The following EPHA6 variants were observed in gnomAD, a reference collection of about 807,000 sequenced individuals.
EPHA6 encodes the protein EPH receptor A6.
A neutral mutation model predicts 112.0 loss-of-function variants in EPHA6; 50 were observed. The observed-to-expected ratio is 0.45, with a 90% CI of 0.36 to 0.56. The LOEUF is 0.56. Among genes scored for constraint, EPHA6 ranks in the 20% least tolerant of loss-of-function variants. The pLI is 0.00. For missense variants in EPHA6, 1,280 were observed against 1,417.4 expected (o/e 0.90, Z 1.56); for synonymous variants, 529 against 490.7 (o/e 1.08, Z -1.03).
chr3:97,120,696 G>A (rs1056420589), intron 3 of EPHA6, among the ~76,000 whole-genome samples: 1 of 151,882 alleles, frequency 6.6e-6, no homozygotes, highest in African/African-American at 2.4e-5. Context: ...ATTCAAATGT[G>A]TTAAAAAGAA....
intron 2 of EPHA6, among the ~76,000 whole-genome samples, chr3:96,881,553 G>T (rs2037315923): frequency 6.6e-6 from 1 of 152,186 alleles, no homozygotes; most frequent in Non-Finnish European, 1.5e-5. Context: ...ACAATTCAGT[G>T]AGATTTGGGT....
At chr3:97,578,444 A>G (rs756410055) in intron 11 of EPHA6, among the ~76,000 whole-genome samples, 1 of 152,220 alleles carries the variant, frequency 6.6e-6, no homozygotes, top group Non-Finnish European at 1.5e-5. Context: ...CACTGATCAC[A>G]TAGCTTCATC....
Position 97,326,333 on chromosome 3 carries a change from G to T in EPHA6, c.1607-78817G>T, listed in dbSNP as rs1055198197. The stretch of plus-strand genomic sequence containing the variant: ...TTTTGCAGCATTATATGCAATAGTA[G>T]AGTAGTTTAGCTTTGAAATTTTAAA... On this transcript the variant is annotated intron_variant, in intron 5 of 17. Transcript: ENST00000389672. Among the ~76,000 whole-genome samples the T allele has an allele frequency of 3.3e-5, 5 of 151,836 alleles. No homozygotes were observed. The East Asian group carries it at 9.7e-4, about 29-fold the overall frequency.
At position 96,938,440 on chromosome 3, in the gene EPHA6, A is replaced by G. The variant is rs370553208; in HGVS notation, c.451-48890A>G. Among the ~76,000 whole-genome samples the G allele has an allele frequency of 6.6e-5, 10 of 151,676 alleles. No individual in the cohort carries two copies. The East Asian group carries it at 1.7e-3, about 26-fold the overall frequency. On this transcript the variant is annotated intron_variant, in intron 2 of 17. Coordinates refer to ENST00000389672, the MANE Select transcript of EPHA6 (RefSeq NM_001080448.3). The stretch of plus-strand genomic sequence containing the variant: ...TTGTTGGTGTATAAGAATGCTTGTG[A>G]TTTTTGTACATTGATTTTGTATCCT...
chr3:96,996,095 A>G (rs1023949273), intron 3 of EPHA6, among the ~76,000 whole-genome samples: 11 of 152,168 alleles, frequency 7.2e-5, no homozygotes, highest in African/African-American at 2.7e-4. Context: ...CATTTCAGCA[A>G]TATTCACAGT....
At chr3:97,353,622 T>G (rs1430498516) in intron 5 of EPHA6, among the ~76,000 whole-genome samples, 2 of 152,090 alleles carry the variant, frequency 1.3e-5, no homozygotes, top group Non-Finnish European at 1.5e-5. Flanking sequence ...AAGTCCCAAG[T>G]CGATCCCTAA....
chr3:96,987,351 GATGAA>G lies in EPHA6; in HGVS notation c.473_477del (p.Asp158AlafsTer2), dbSNP rs772834309. ...GCAGTGGGATGCCATCACTGAAATG[GATGAA>G]CATAATAGGCCCATTCACACATACC... On this transcript the variant is annotated frameshift_variant, in exon 3 of 18. Transcript: ENST00000389672. LOFTEE classifies it high-confidence loss of function. 2 of 1,600,638 alleles carry G rather than the reference GATGAA, an allele frequency of 1.2e-6. No individual in the cohort carries two copies. The highest frequency in any genetic ancestry group is 1.7e-6 in the Non-Finnish European group (2 of 1,169,886).
chr3:96,887,749 T>G (rs1241898962), intron 2 of EPHA6, among the ~76,000 whole-genome samples: 1 of 152,132 alleles, frequency 6.6e-6, no homozygotes, highest in Non-Finnish European at 1.5e-5. Context: ...CAGACTCTCC[T>G]TGGGCAAGTC....
At chr3:97,100,904 A>G (rs1166382018) in intron 3 of EPHA6, among the ~76,000 whole-genome samples, 4 of 152,058 alleles carry the variant, frequency 2.6e-5, no homozygotes, top group African/African-American at 9.7e-5. Context: ...TTTTAAAATA[A>G]TCATAAATGA....
At chr3:97,006,733 G>T (rs573946848) in intron 3 of EPHA6, among the ~76,000 whole-genome samples, 1 of 151,828 alleles carries the variant, frequency 6.6e-6, no homozygotes, top group South Asian at 2.1e-4. Flanking sequence ...GCTTTCTGAT[G>T]TGGGCATTTA....
chr3:97,129,522 A>C (rs563573744), intron 3 of EPHA6, among the ~76,000 whole-genome samples: 45 of 152,050 alleles, frequency 3.0e-4, no homozygotes, highest in Middle Eastern at 6.8e-3. Flanking sequence ...AACAAACAAA[A>C]AAAAAAACAA....
chr3:97,398,270 T>C (rs1316034284), intron 5 of EPHA6, among the ~76,000 whole-genome samples: 1 of 151,474 alleles, frequency 6.6e-6, no homozygotes, highest in East Asian at 1.9e-4. Flanking sequence ...AGATTGTATA[T>C]ATGAAAATGA....
In EPHA6 at chr3:97,311,365, C is replaced by A. The variant is rs973335358; in HGVS notation, c.1606+67078C>A. ...CTCAAGCTCTAGCTGTTGTCTCTGG[C>A]TGCCCTAATCTCTCTAAAGACTTGA... On this transcript the variant is annotated intron_variant, in intron 5 of 17. Transcript: ENST00000389672. Among the ~76,000 whole-genome samples the A allele has an allele frequency of 2.6e-5, 4 of 151,388 alleles. No individual in the cohort carries two copies. In the South Asian group the frequency reaches 8.3e-4, roughly 31 times the overall value.
At chr3:97,127,396 T>A (rs977330646) in intron 3 of EPHA6, among the ~76,000 whole-genome samples, 17 of 152,080 alleles carry the variant, frequency 1.1e-4, no homozygotes, top group African/African-American at 3.1e-4. Flanking sequence ...TTTTATGACC[T>A]GCTTCATGGG....
intron 6 of EPHA6, among the ~76,000 whole-genome samples, chr3:97,442,072 C>T (rs1017181237): frequency 1.3e-5 from 2 of 152,044 alleles, no homozygotes; most frequent in Admixed American, 6.6e-5. Context: ...ATTAAAACTT[C>T]GGATGAATCA....
At chr3:96,954,594 A>G (rs1429936883) in intron 2 of EPHA6, among the ~76,000 whole-genome samples, 2 of 152,140 alleles carry the variant, frequency 1.3e-5, no homozygotes, top group African/African-American at 2.4e-5. Flanking sequence ...TATCTCACAT[A>G]AAGAACAACT....
At chr3:97,409,702 T>G (rs1036656999) in intron 6 of EPHA6, among the ~76,000 whole-genome samples, 2 of 152,100 alleles carry the variant, frequency 1.3e-5, no homozygotes, top group Admixed American at 1.3e-4. Flanking sequence ...TAGCTCATTT[T>G]GCAAACATGA....
intron 11 of EPHA6, among the ~76,000 whole-genome samples, chr3:97,538,452 T>G (rs1421014625): frequency 6.6e-6 from 1 of 152,148 alleles, no homozygotes; most frequent in African/African-American, 2.4e-5. Context: ...GTTTAAGGTG[T>G]CTGTGACATT....
At chr3:96,873,096 C>T (rs1401145851) in intron 2 of EPHA6, among the ~76,000 whole-genome samples, 6 of 151,874 alleles carry the variant, frequency 4.0e-5, no homozygotes, top group Non-Finnish European at 7.4e-5. Flanking sequence ...GGTGAAACCC[C>T]GTCTTCACTC....
Sources: gnomAD v4.1 joint callset for allele counts (sites outside exome capture counted in the v4.1 genomes callset) on GRCh38, gnomAD v4.1.1 for gene constraint, MANE v1.5 for transcripts, NCBI Gene and HGNC (gene_info 2026-07-23, HGNC 2026-07-21) for gene names.